MTCL2: variants seen among roughly 807,000 people sequenced by gnomAD.
The protein encoded by MTCL2 is microtubule cross-linking factor 2.
the MTCL2 span, chr20:36,839,394 G>A: frequency 1.2e-6 from 2 of 1,613,518 alleles, no homozygotes; most frequent in Non-Finnish European, 1.7e-6. The surrounding 1 kb of genome is among the most constrained non-coding windows in gnomAD (Gnocchi z 5.1). Flanking sequence ...CCTCCATATA[G>A]ACGTCCCGCA....
At chr20:36,780,575 T>C in the MTCL2 span, 1 of 152,200 alleles carries the variant, frequency 6.6e-6, no homozygotes, top group African/African-American at 2.4e-5. Flanking sequence ...GCCAGGGCAC[T>C]GAAAGGCTGG....
chr20:36,791,872 T>TAAAACATG, the MTCL2 span, among the ~76,000 whole-genome samples: 4 of 152,212 alleles, frequency 2.6e-5, no homozygotes, highest in Admixed American at 2.6e-4. Context: ...ACTCTTGGGT[T>TAAAACATG]TTATAAAACA....
At chr20:36,800,439 C>T in the MTCL2 span, among the ~76,000 whole-genome samples, 1 of 152,214 alleles carries the variant, frequency 6.6e-6, no homozygotes, top group East Asian at 1.9e-4. Context: ...CTGCACTCCC[C>T]AAGCACAGCC....
At chr20:36,816,114 T>C in the MTCL2 span, 3 of 1,613,534 alleles carry the variant, frequency 1.9e-6, no homozygotes, top group Non-Finnish European at 1.7e-6. Flanking sequence ...CAGCTCGGTC[T>C]CCCGCGAGTG....
the MTCL2 span, among the ~76,000 whole-genome samples, chr20:36,788,142 A>G: frequency 6.1e-5 from 9 of 148,748 alleles, no homozygotes; most frequent in Non-Finnish European, 1.5e-5. Flanking sequence ...CGGAGGTTGC[A>G]GTGAGCCGAG....
the MTCL2 span, chr20:36,782,028 G>A: frequency 6.6e-6 from 1 of 152,190 alleles, no homozygotes; most frequent in Admixed American, 6.5e-5. Context: ...AGTAGAGACA[G>A]GGTTTCACCA....
At chr20:36,815,316 A>C in the MTCL2 span, 116 of 1,613,692 alleles carry the variant, frequency 7.2e-5, 1 homozygote, top group East Asian at 2.2e-5. This position sits in a 1 kb window ranked among gnomAD's most constrained non-coding sequence, Gnocchi z 5.3. Flanking sequence ...GGCATGGATG[A>C]GCTTGGTGTC....
At chr20:36,828,279 C>A in the MTCL2 span, among the ~76,000 whole-genome samples, 4 of 152,192 alleles carry the variant, frequency 2.6e-5, no homozygotes, top group African/African-American at 7.2e-5. Flanking sequence ...GGTTTCTAGC[C>A]GGCATTCTGC....
At chr20:36,861,520 C>A in the MTCL2 span, among the ~76,000 whole-genome samples, 1 of 151,858 alleles carries the variant, frequency 6.6e-6, no homozygotes, top group Non-Finnish European at 1.5e-5. Flanking sequence ...GGGAGAAGCC[C>A]ATTTGGTCAG....
At chr20:36,777,640 T>G in the MTCL2 span, 1 of 483,712 alleles carries the variant, frequency 2.1e-6, no homozygotes. Context: ...GAGAGAATAG[T>G]GGACAAGAGA....
chr20:36,820,402 C>T, the MTCL2 span, among the ~76,000 whole-genome samples: 1 of 152,158 alleles, frequency 6.6e-6, no homozygotes, highest in Non-Finnish European at 1.5e-5. Context: ...GATTCACTGA[C>T]ATGGTAAAGT....
the MTCL2 span, among the ~76,000 whole-genome samples, chr20:36,819,589 C>T: frequency 2.0e-5 from 3 of 146,636 alleles, no homozygotes; most frequent in Non-Finnish European, 4.5e-5. Flanking sequence ...GGTTCTCAAC[C>T]TGGTACACAT....
the MTCL2 span, chr20:36,815,690 G>A: frequency 1.9e-6 from 3 of 1,604,590 alleles, no homozygotes; most frequent in South Asian, 1.1e-5. The surrounding 1 kb of genome is among the most constrained non-coding windows in gnomAD (Gnocchi z 5.3). Context: ...TGACCTTGCC[G>A]CTGAGCTCGC....
At chr20:36,833,696 T>A in the MTCL2 span, among the ~76,000 whole-genome samples, 1 of 152,186 alleles carries the variant, frequency 6.6e-6, no homozygotes, top group East Asian at 1.9e-4. Flanking sequence ...TAAAAACTTT[T>A]TAAAATTAGC....
chr20:36,861,483 T>C, the MTCL2 span, among the ~76,000 whole-genome samples: 2 of 152,214 alleles, frequency 1.3e-5, no homozygotes, highest in South Asian at 4.1e-4. Flanking sequence ...AGAGACATAG[T>C]TGAGCAAGAC....
the MTCL2 span, among the ~76,000 whole-genome samples, chr20:36,851,206 A>T: frequency 6.6e-6 from 1 of 152,174 alleles, no homozygotes; most frequent in African/African-American, 2.4e-5. Context: ...TATATTGTAT[A>T]TATTTGTACA....
At chr20:36,812,192 CTCCTCA>C in the MTCL2 span, among the ~76,000 whole-genome samples, 1 of 152,202 alleles carries the variant, frequency 6.6e-6, no homozygotes. Flanking sequence ...CCTCCTCCTC[CTCCTCA>C]TCCTCACCCA....
the MTCL2 span, among the ~76,000 whole-genome samples, chr20:36,813,665 G>A: frequency 6.8e-6 from 1 of 146,794 alleles, no homozygotes; most frequent in Middle Eastern, 3.6e-3. Context: ...TCAGCTACCC[G>A]GAAGGCGGAG....
At chr20:36,846,630 G>A in the MTCL2 span, among the ~76,000 whole-genome samples, 33 of 152,252 alleles carry the variant, frequency 2.2e-4, 1 homozygote, top group African/African-American at 6.3e-4. Context: ...TCCCCTTACC[G>A]GGTCCTGAGC....
Sources: allele counts gnomAD v4.1 joint callset (sites outside exome capture counted in the v4.1 genomes callset), GRCh38; gene constraint gnomAD v4.1.1; non-coding constraint Gnocchi (gnomAD v3.1); transcripts MANE v1.5; gene names NCBI Gene and HGNC (gene_info 2026-07-23, HGNC 2026-07-21).